Variants in EEA1 observed in about 807,000 individuals in gnomAD.
EEA1 encodes early endosome antigen 1, 162kD.
EEA1 carries 111 observed loss-of-function variants against 209.2 expected under a neutral mutation model. The observed-to-expected ratio is 0.53, with a 90% CI of 0.45 to 0.62. The LOEUF is 0.62. Among genes scored for constraint, EEA1 ranks in the 20% least tolerant of loss-of-function variants. EEA1 has a pLI of 0.00. For missense variants in EEA1, 1,343 were observed against 1,530.8 expected (o/e 0.88, Z 2.05); for synonymous variants, 536 against 540.6 (o/e 0.99, Z 0.12).
At chr12:92,907,605 T>G (rs950065854) in intron 1 of EEA1, among the ~76,000 whole-genome samples, 4 of 152,316 alleles carry the variant, frequency 2.6e-5, no homozygotes, top group Middle Eastern at 3.4e-3. Context: ...AAAAGAGACC[T>G]AATATAGCAC....
At chr12:92,926,868 G>A (rs1436148000) in intron 1 of EEA1, among the ~76,000 whole-genome samples, 1 of 152,006 alleles carries the variant, frequency 6.6e-6, no homozygotes, top group Non-Finnish European at 1.5e-5. Context: ...AGTGCCTCCT[G>A]GGTCCTCTGT....
chr12:92,786,521 A>G (rs1874140637), intron 22 of EEA1, among the ~76,000 whole-genome samples: 1 of 152,074 alleles, frequency 6.6e-6, no homozygotes, highest in Admixed American at 6.6e-5. Context: ...CCAATTTCCT[A>G]TCTCTGTCAA....
chr12:92,848,954 C>T (rs1877498086), intron 9 of EEA1, among the ~76,000 whole-genome samples: 1 of 152,024 alleles, frequency 6.6e-6, no homozygotes, highest in African/African-American at 2.4e-5. Flanking sequence ...AACTCCTGGA[C>T]TGAAGCAATC....
At chr12:92,780,572 A>G (rs894015743) in intron 23 of EEA1, among the ~76,000 whole-genome samples, 161 bp from the exon 24 acceptor site, 1 of 152,112 alleles carries the variant, frequency 6.6e-6, no homozygotes, top group African/African-American at 2.4e-5. Context: ...CTGTTTCCTT[A>G]TTTATACAGT....
At chr12:92,803,124 G>A (rs534976273) in intron 18 of EEA1, among the ~76,000 whole-genome samples, 23 of 152,182 alleles carry the variant, frequency 1.5e-4, no homozygotes, top group South Asian at 1.5e-3. Flanking sequence ...AACACAGAGA[G>A]AACTTTGTCT....
chr12:92,895,260 A>G (rs980657702), intron 1 of EEA1: 2 of 146,594 alleles, frequency 1.4e-5, no homozygotes, highest in African/African-American at 5.1e-5. Flanking sequence ...AGTACATGCC[A>G]TTCTCCCGCC....
At chr12:92,869,790 G>GAAAAAAAAAAAAAAAAAAAAAAAAAAA (rs1230847458) in intron 2 of EEA1, among the ~76,000 whole-genome samples, 1 of 69,056 alleles carries the variant, frequency 1.4e-5, no homozygotes. Flanking sequence ...AAAAAAAAAG[G>GAAAAAAAAAAAAAAAAAAAAAAAAAAA]AAAGCCCTTA....
chr12:92,853,969 A>C lies in EEA1; in HGVS notation c.367-15T>G. On this transcript the variant is annotated splice_polypyrimidine_tract_variant and intron_variant, in intron 5 of 28. Transcript: ENST00000322349. ...GGTTTGGCCTCCTCAATTAAAACAA[A>C]AGACATAAACAAATGAATTAAAAGG... 6.4e-7 allele frequency: 1 copy of C among 1,567,596 alleles called. No individual in the cohort carries two copies. Among genetic ancestry groups the C allele is most frequent in the East Asian group, 2.4e-5 (1 of 42,340 alleles).
intron 1 of EEA1, among the ~76,000 whole-genome samples, chr12:92,900,960 C>T (rs1364342546): frequency 2.0e-5 from 3 of 151,662 alleles, no homozygotes; most frequent in African/African-American, 4.8e-5. Flanking sequence ...CGAGCCAACA[C>T]GTCCAGCCTA....
intron 21 of EEA1, among the ~76,000 whole-genome samples, chr12:92,792,131 G>C (rs903225183): frequency 1.3e-5 from 2 of 152,176 alleles, no homozygotes; most frequent in Non-Finnish European, 2.9e-5. Context: ...GCAGTGTGTA[G>C]AGGGAAATTT....
chr12:92,904,116 C>T (rs2136768949), intron 1 of EEA1, among the ~76,000 whole-genome samples: 1 of 152,182 alleles, frequency 6.6e-6, no homozygotes, highest in Non-Finnish European at 1.5e-5. Context: ...GCATGCACCA[C>T]CACCCCGGCT....
intron 2 of EEA1, among the ~76,000 whole-genome samples, chr12:92,891,361 T>C (rs1457245508): frequency 6.6e-6 from 1 of 152,170 alleles, no homozygotes; most frequent in South Asian, 2.1e-4. Context: ...TAATTCTTTA[T>C]AAACAGACGT....
chr12:92,913,533 A>AT (rs919542449), intron 1 of EEA1, among the ~76,000 whole-genome samples: 3 of 149,868 alleles, frequency 2.0e-5, no homozygotes, highest in East Asian at 2.0e-4. Flanking sequence ...TTTAATTCCC[A>AT]TTTTTTTTCT....
At position 92,816,341 on chromosome 12, in the gene EEA1, C is replaced by G. The variant is rs776632818; in HGVS notation, c.1788G>C (p.Glu596Asp). 73 of 1,613,848 alleles carry G rather than the reference C, an allele frequency of 4.5e-5. No homozygotes were observed. Among genetic ancestry groups the G allele is most frequent in the Non-Finnish European group, 6.2e-5 (73 of 1,179,886 alleles). ...NQSESHKQAQ[E>D]NLHDQVQEQK... ...GCTCTTGTACCTGGTCATGCAAATTCTCCTGGGCTTGTTTATGACTTTCTG... is the reference window on the plus strand; with the variant it reads ...GCTCTTGTACCTGGTCATGCAAATTGTCCTGGGCTTGTTTATGACTTTCTG... The change falls in exon 15 of 29, where the codon GAG becomes GAC. Residue 596 changes from glutamate (E) to aspartate (D), a missense_variant. Glu to Asp is a conservative substitution (Grantham distance 45). Around this residue, in one of 3 missense-constraint regions of EEA1, gnomAD observed 1,307 missense variants for 1,465.5 expected, o/e 0.89. Transcript: ENST00000322349.
chr12:92,859,020 C>A (rs986842325), intron 3 of EEA1: 2 of 684,880 alleles, frequency 2.9e-6, no homozygotes, highest in Non-Finnish European at 5.3e-6. Flanking sequence ...GAGGTCTGTG[C>A]AGAACGGTTC....
At chr12:92,821,338 T>C (rs1240267661) in intron 13 of EEA1, among the ~76,000 whole-genome samples, 1 of 152,198 alleles carries the variant, frequency 6.6e-6, no homozygotes, top group Non-Finnish European at 1.5e-5. Context: ...GTCAGAGACG[T>C]CAATTTCCTT....
chr12:92,834,010 T>C (rs1161984795), intron 10 of EEA1, among the ~76,000 whole-genome samples: 1 of 152,102 alleles, frequency 6.6e-6, no homozygotes, highest in Non-Finnish European at 1.5e-5. Context: ...ATATGATACA[T>C]GCCATCTGCT....
chr12:92,855,429 C>A (rs1877833475), intron 5 of EEA1, among the ~76,000 whole-genome samples: 1 of 106,046 alleles, frequency 9.4e-6, no homozygotes, highest in South Asian at 2.7e-4. Flanking sequence ...GAGACTCTGT[C>A]TCAAAAAAAA....
intron 27 of EEA1, 32 bp from the exon 28 acceptor site, chr12:92,776,974 G>C (rs1252172198): frequency 6.3e-7 from 1 of 1,592,816 alleles, no homozygotes; most frequent in Non-Finnish European, 8.6e-7. Flanking sequence ...ATATATTATA[G>C]TATTCAACAT....
Sources: gnomAD v4.1 joint callset for allele counts (sites outside exome capture counted in the v4.1 genomes callset) on GRCh38, gnomAD v4.1.1 for gene constraint, gnomAD v4.1.1 regional missense constraint, MANE v1.5 for transcripts, NCBI Gene and HGNC (gene_info 2026-07-23, HGNC 2026-07-21) for gene names.